The following MASP1 variants were observed in gnomAD, a reference collection of about 807,000 sequenced individuals.
MASP1 encodes the protein MBL associated serine protease 1.
In MASP1, 59 loss-of-function variants were observed where a neutral mutation model predicts 77.1. The observed-to-expected ratio is 0.77, with a 90% CI of 0.62 to 0.95. The LOEUF (loss-of-function observed/expected upper bound fraction) is 0.95, where lower values mean the gene tolerates loss of function less well. MASP1 is among the 40% of genes least tolerant of loss of function. The probability of loss-of-function intolerance (pLI) is 0.00; values close to 1 mark genes in which losing one functional copy is unlikely to be tolerated. For synonymous variants in MASP1, 362 were observed against 354.5 expected, an observed-to-expected ratio of 1.02 and a Z score of -0.24; for missense variants, 885 against 912.9, an observed-to-expected ratio of 0.97 and a Z score of 0.39.
intron 8 of MASP1, among the ~76,000 whole-genome samples, chr3:187,246,064 C>T (rs550753641): frequency 6.6e-6 from 1 of 152,328 alleles, no homozygotes; most frequent in Non-Finnish European, 1.5e-5. Flanking sequence ...TGCTCCCCTG[C>T]TGCCTCCTGC....
At chr3:187,280,126 C>T (rs1368845397) in intron 2 of MASP1, among the ~76,000 whole-genome samples, 3 of 152,136 alleles carry the variant, frequency 2.0e-5, no homozygotes, top group Non-Finnish European at 4.4e-5. Context: ...CTTCTGGATA[C>T]TCATAGAAGG....
intron 3 of MASP1, 82 bp from the exon 4 acceptor site, chr3:187,260,954 G>A: frequency 6.7e-7 from 1 of 1,482,416 alleles, no homozygotes; most frequent in East Asian, 2.3e-5. Flanking sequence ...ACTTGATATG[G>A]GCCACTCACT....
chr3:187,247,528 T>A, intron 8 of MASP1: 1 of 902,434 alleles, frequency 1.1e-6, no homozygotes, highest in Non-Finnish European at 1.8e-6. Context: ...CAGAATTGAT[T>A]AAGAATGCAT....
chr3:187,247,343 A>T, intron 8 of MASP1: 1 of 1,613,990 alleles, frequency 6.2e-7, no homozygotes, highest in Non-Finnish European at 8.5e-7. Flanking sequence ...TCACTCTGTC[A>T]CTTGCTCTGA....
At chr3:187,287,503 T>A (rs1292729276) in intron 1 of MASP1, among the ~76,000 whole-genome samples, 2 of 152,220 alleles carry the variant, frequency 1.3e-5, no homozygotes, top group Non-Finnish European at 2.9e-5. Flanking sequence ...GAGTGAAATG[T>A]ACTTGGATTT....
chr3:187,262,973 C>T (rs888445160), intron 2 of MASP1: 2 of 476,062 alleles, frequency 4.2e-6, no homozygotes, highest in Admixed American at 7.4e-5. Flanking sequence ...TGTCAATAAC[C>T]AAGCAGCTTA....
chr3:187,234,797 T>G lies in MASP1; in HGVS notation c.*887A>C, dbSNP rs1333241259. ...CCAGGTAATCGACTAAGTCCCCATA[T>G]TCGGGCCTGGGCTTCAGGTAGCCTT... On this transcript the variant is annotated 3_prime_UTR_variant, in exon 11 of 11. Coordinates refer to ENST00000296280, the MANE Select transcript of MASP1 (RefSeq NM_139125.4). 1 of 1,287,128 alleles carries G rather than the reference T, an allele frequency of 7.8e-7. No individual in the cohort carries two copies. Among genetic ancestry groups the G allele is most frequent in the Non-Finnish European group, 1.0e-6 (1 of 988,710 alleles). 79.7% of individuals were successfully genotyped at this position (1,287,128 alleles called of 1,614,324 possible).
Position 187,235,144 on chromosome 3 carries a change from G to A in MASP1, c.*540C>T. ...TCCAAGGGATCACACTAAGAGAGAG[G>A]GGCTTGGCTATGAGCCATCTCCCAA... On this transcript the variant is annotated 3_prime_UTR_variant, in exon 11 of 11. Transcript: ENST00000296280. The A allele has an allele frequency of 1.6e-6, 2 of 1,287,472 alleles. No homozygotes were observed. Among genetic ancestry groups the A allele is most frequent in the South Asian group, 2.5e-5 (2 of 80,928 alleles). The allele number at this position is 1,287,472 out of a possible 1,614,324, so 79.8% of individuals were successfully genotyped here.
At position 187,239,478 on chromosome 3, in the gene MASP1, A is replaced by G. The variant is rs577439813; in HGVS notation, c.1303+2003T>C. Among the ~76,000 whole-genome samples the G allele has an allele frequency of 9.2e-5, 14 of 152,344 alleles. No homozygotes were observed. In the South Asian group the frequency reaches 1.7e-3, roughly 18 times the overall value. ...ACAGTTAGGAAATGGCAGCATCAGT[A>G]TTAGTACCTAGGGCCTTGACTCCTT... is the stretch of plus-strand genomic sequence containing the variant. On this transcript the variant is annotated intron_variant, in intron 10 of 10. Coordinates refer to ENST00000296280, the MANE Select transcript of MASP1 (RefSeq NM_139125.4).
At chr3:187,287,639 G>C (rs2108614498) in intron 1 of MASP1, among the ~76,000 whole-genome samples, 1 of 152,274 alleles carries the variant, frequency 6.6e-6, no homozygotes, top group South Asian at 2.1e-4. Flanking sequence ...GAGCACTAAA[G>C]GTGATGTATA....
At chr3:187,253,138 C>T in intron 6 of MASP1, 30 bp downstream of exon 6, 1 of 1,612,838 alleles carries the variant, frequency 6.2e-7, no homozygotes, top group Non-Finnish European at 8.5e-7. Context: ...AGCACAGCAG[C>T]TCGGTGTGAC....
At chr3:187,227,811 G>T (rs1186438173) in intron 11 of MASP1, among the ~76,000 whole-genome samples, 1 of 152,216 alleles carries the variant, frequency 6.6e-6, no homozygotes, top group Non-Finnish European at 1.5e-5. Flanking sequence ...GAACCCAGGG[G>T]TGTACACTGG....
At chr3:187,275,441 A>G (rs941029544) in intron 2 of MASP1, among the ~76,000 whole-genome samples, 1 of 152,028 alleles carries the variant, frequency 6.6e-6, no homozygotes, top group African/African-American at 2.4e-5. Flanking sequence ...ATAAGGACCA[A>G]CTGTCATAGC....
Position 187,262,602 on chromosome 3 carries a change from C to A in MASP1, c.356G>T (p.Arg119Leu). ...ACGCTCCTCATTGGAGAAATCTGAC[C>A]GGAAAGTGATGGACATGAAGGAGCC... Reference protein sequence around the residue: ...SPGSFMSITFRSDFSNEERFT... With the variant: ...SPGSFMSITFLSDFSNEERFT... The change falls in exon 3 of 11, where the codon CGG (arginine) becomes CTG (leucine). Residue 119 changes from arginine to leucine, a missense_variant. Physicochemically the swap from Arg to Leu is moderately radical, Grantham distance 102. Transcript: ENST00000296280. 2 of 1,614,004 alleles carry A rather than the reference C, an allele frequency of 1.2e-6. No individual in the cohort carries two copies. The highest frequency in any genetic ancestry group is 1.7e-6 in the Non-Finnish European group (2 of 1,180,002).
At chr3:187,231,387 C>T (rs62294419), downstream of MASP1, among the ~76,000 whole-genome samples, 1,580 of 152,328 alleles carry the variant, frequency 0.01, 14 homozygotes, top group Non-Finnish European at 0.016. Context: ...CCTTCTCCTC[C>T]CTTCTATAGT....
Position 187,265,903 on chromosome 3 carries a change from C to T in MASP1, c.238-3183G>A, listed in dbSNP as rs540816224. 1.1e-4 allele frequency among the ~76,000 whole-genome samples: 17 copies of T among 152,246 alleles called. No individual in the cohort carries two copies. In the East Asian group the frequency reaches 2.5e-3, roughly 22 times the overall value. On this transcript the variant is annotated intron_variant, in intron 2 of 10. Transcript: ENST00000296280. Reference sequence around the variant, plus strand: ...AGAGGATGTGGCTCAGTGACAGCTCCAGTCATAACCTAAACAGAGGGGTCA... The same window carrying T: ...AGAGGATGTGGCTCAGTGACAGCTCTAGTCATAACCTAAACAGAGGGGTCA...
chr3:187,232,232 C>A (rs115653634), downstream of MASP1, among the ~76,000 whole-genome samples: 288 of 148,420 alleles, frequency 1.9e-3, no homozygotes, highest in South Asian at 3.9e-3. Flanking sequence ...CCCTTCCCCC[C>A]CCCCCCTTTT....
exon 16 of MASP1, chr3:187,218,469 T>TC (rs1483855839): frequency 6.6e-6 from 1 of 152,580 alleles, no homozygotes; most frequent in Non-Finnish European, 1.5e-5. Flanking sequence ...TGGAGCTGGG[T>TC]CCCATTGCCA....
intron 7 of MASP1, among the ~76,000 whole-genome samples, chr3:187,250,901 C>A (rs1714517852): frequency 6.6e-6 from 1 of 152,142 alleles, no homozygotes; most frequent in Admixed American, 6.5e-5. Context: ...TAAAGCGAAC[C>A]ATGTGATTCC....
Sources: allele counts gnomAD v4.1 joint callset (sites outside exome capture counted in the v4.1 genomes callset), GRCh38; gene constraint gnomAD v4.1.1; transcripts MANE v1.5; gene names NCBI Gene and HGNC (gene_info 2026-07-23, HGNC 2026-07-21).